Variants in CNBD1 observed in about 807,000 individuals in gnomAD.
CNBD1 encodes cyclic nucleotide-binding domain-containing protein 1.
CNBD1 carries 71 observed loss-of-function variants against 54.4 expected under a neutral mutation model. The ratio of observed to expected loss-of-function variants is 1.30; its 90% CI spans 1.08 to 1.59. The LOEUF (loss-of-function observed/expected upper bound fraction) is 1.59. Among genes scored for constraint, CNBD1 ranks in the 40% most tolerant of loss-of-function variants. The pLI, the probability that CNBD1 is intolerant of heterozygous loss-of-function variation, is 0.00. For missense variants in CNBD1, 659 were observed against 518.0 expected (o/e 1.27, Z -2.64); for synonymous variants, 182 against 170.7 (o/e 1.07, Z -0.51).
At chr8:87,033,602 A>C (rs1809841843) in intron 4 of CNBD1, among the ~76,000 whole-genome samples, 1 of 152,172 alleles carries the variant, frequency 6.6e-6, no homozygotes, top group Non-Finnish European at 1.5e-5. Flanking sequence ...AAAACTGTAG[A>C]GTTAGCCTGC....
Position 87,200,480 on chromosome 8 carries a change from C to G in CNBD1, c.432-5513C>G, listed in dbSNP as rs183189199. 5.3e-4 allele frequency among the ~76,000 whole-genome samples: 80 copies of G among 152,010 alleles called. 1 individual carries two copies. Among genetic ancestry groups the G allele is most frequent in the African/African-American group, 1.8e-3 (74 of 41,492 alleles). On this transcript the variant is annotated intron_variant, in intron 4 of 10. Transcript: ENST00000518476. ...AATGAATAAGAAAAAACAATTAGTT[C>G]TTTAAAAAGATCAACAAAATAGAAA...
At chr8:87,398,688 A>G (rs1206218445) in intron 2 of CNBD1, among the ~76,000 whole-genome samples, 3 of 152,034 alleles carry the variant, frequency 2.0e-5, no homozygotes, top group Admixed American at 2.0e-4. Context: ...GGAGGCCTAT[A>G]TGGTTGGATA....
At chr8:87,319,475 G>T (rs1020372196) in intron 8 of CNBD1, among the ~76,000 whole-genome samples, 3 of 151,916 alleles carry the variant, frequency 2.0e-5, no homozygotes, top group Non-Finnish European at 4.4e-5. Context: ...GTTTAGATGA[G>T]TACTCATAGA....
chr8:87,405,949 C>T (rs1454594869), intron 2 of CNBD1, among the ~76,000 whole-genome samples: 9 of 152,100 alleles, frequency 5.9e-5, no homozygotes, highest in Non-Finnish European at 1.2e-4. Context: ...AAATAGTATT[C>T]AGGGAGATTG....
chr8:87,006,374 A>G (rs1809098295), intron 4 of CNBD1, among the ~76,000 whole-genome samples: 2 of 152,166 alleles, frequency 1.3e-5, no homozygotes, highest in African/African-American at 2.4e-5. Context: ...TTAACCAAGA[A>G]AAGGATGTAT....
At chr8:87,101,687 CTT>C (rs1336534367) in intron 4 of CNBD1, among the ~76,000 whole-genome samples, 4 of 151,948 alleles carry the variant, frequency 2.6e-5, no homozygotes, top group African/African-American at 9.7e-5. Context: ...AATTGACAGT[CTT>C]TTAAAGCATA....
intron 4 of CNBD1, among the ~76,000 whole-genome samples, chr8:87,081,862 G>T (rs1811001367): frequency 6.6e-6 from 1 of 151,964 alleles, no homozygotes; most frequent in African/African-American, 2.4e-5. Flanking sequence ...ATGTTGTTCA[G>T]GTGTCAATTT....
intron 2 of CNBD1, among the ~76,000 whole-genome samples, chr8:87,424,970 G>C (rs545835064): frequency 3.9e-5 from 6 of 152,228 alleles, no homozygotes; most frequent in Admixed American, 2.0e-4. Flanking sequence ...ATCAGACGTA[G>C]ATTTGGTCTT....
At chr8:86,991,086 T>A (rs1424866375) in intron 4 of CNBD1, among the ~76,000 whole-genome samples, 1 of 152,140 alleles carries the variant, frequency 6.6e-6, no homozygotes, top group African/African-American at 2.4e-5. Context: ...GGTGGTAGTC[T>A]TTAGGTGTTT....
chr8:87,155,332 G>A (rs1812692158), intron 4 of CNBD1, among the ~76,000 whole-genome samples: 1 of 152,112 alleles, frequency 6.6e-6, no homozygotes, highest in Admixed American at 6.5e-5. Flanking sequence ...TAACAGAGGA[G>A]TGACATTGCC....
At chr8:86,885,647 T>C (rs1161665447) in intron 1 of CNBD1, among the ~76,000 whole-genome samples, 1 of 152,224 alleles carries the variant, frequency 6.6e-6, no homozygotes, top group Non-Finnish European at 1.5e-5. Context: ...TTTGGCTTTT[T>C]TTCTTTTTAA....
At chr8:87,130,044 G>A (rs1812085731) in intron 4 of CNBD1, among the ~76,000 whole-genome samples, 1 of 152,070 alleles carries the variant, frequency 6.6e-6, no homozygotes. Context: ...GATCTCATGA[G>A]AGCTATTCAC....
intron 4 of CNBD1, among the ~76,000 whole-genome samples, chr8:87,118,314 C>CAAAAAAA (rs34800282): frequency 3.7e-5 from 4 of 109,176 alleles, no homozygotes; most frequent in African/African-American, 1.1e-4. Flanking sequence ...GACTCTGTCT[C>CAAAAAAA]AAAAAAAAAA....
rs192252766 is a variant in CNBD1, at chr8:87,352,411, C to T, written c.1152+617C>T. On this transcript the variant is annotated intron_variant, in intron 9 of 10. Coordinates refer to ENST00000518476, the MANE Select transcript of CNBD1 (RefSeq NM_173538.3). The stretch of plus-strand genomic sequence containing the variant: ...AGAAGAATCGCTTGAACCTGGAAGG[C>T]GGAGGTTGCAGTGAGCCAAGATTGT... Among the ~76,000 whole-genome samples, 39 of 139,860 alleles carry T rather than the reference C, an allele frequency of 2.8e-4. No individual in the cohort carries two copies. In the East Asian group the frequency reaches 5.4e-3, roughly 19 times the overall value. The allele number at this position is 139,860 out of a possible 152,430, so 91.8% of individuals were successfully genotyped here.
chr8:87,248,337 C>T (rs1429902152), intron 6 of CNBD1, among the ~76,000 whole-genome samples: 2 of 152,186 alleles, frequency 1.3e-5, no homozygotes, highest in Non-Finnish European at 1.5e-5. Flanking sequence ...CCTAAAAGTT[C>T]ACAATGGATG....
intron 6 of CNBD1, among the ~76,000 whole-genome samples, chr8:87,275,557 T>C (rs1225282540): frequency 1.3e-5 from 2 of 151,740 alleles, no homozygotes; most frequent in South Asian, 2.1e-4. Context: ...AAATTAGGTA[T>C]TGATGGGACG....
chr8:87,086,762 CA>C (rs1264033588), intron 4 of CNBD1, among the ~76,000 whole-genome samples: 1 of 151,882 alleles, frequency 6.6e-6, no homozygotes, highest in Non-Finnish European at 1.5e-5. Context: ...TAAAACAAAA[CA>C]AAATATTATA....
chr8:87,128,549 C>T (rs1312168700), intron 4 of CNBD1, among the ~76,000 whole-genome samples: 1 of 152,166 alleles, frequency 6.6e-6, no homozygotes, highest in Non-Finnish European at 1.5e-5. Flanking sequence ...GAATTCTTTT[C>T]TTTTGCTAGT....
intron 4 of CNBD1, among the ~76,000 whole-genome samples, chr8:87,131,684 GA>G (rs1381842319): frequency 2.6e-5 from 4 of 151,622 alleles, no homozygotes; most frequent in Non-Finnish European, 5.9e-5. Context: ...TTGATCCATA[GA>G]TTTTTTTGTT....
Sources: gnomAD v4.1 joint callset for allele counts (sites outside exome capture counted in the v4.1 genomes callset) on GRCh38, gnomAD v4.1.1 for gene constraint, MANE v1.5 for transcripts, NCBI Gene and HGNC (gene_info 2026-07-23, HGNC 2026-07-21) for gene names.